The following TAOK1 variants were observed in gnomAD, a reference collection of about 807,000 sequenced individuals.
TAOK1 encodes TAO kinase 1.
Under a neutral mutation model 138.3 loss-of-function variants are expected in TAOK1, and 21 were observed. That is an observed-to-expected ratio of 0.15 (90% CI 0.11 to 0.22). The LOEUF is 0.22. TAOK1 is among the 10% of genes least tolerant of loss of function. The probability of loss-of-function intolerance (pLI) is 1.00; values close to 1 mark genes in which losing one functional copy is unlikely to be tolerated. For synonymous variants in TAOK1, 361 were observed against 398.4 expected (o/e 0.91, Z 1.12); for missense variants, 651 against 1,227.7 (o/e 0.53, Z 7.02).
intron 1 of TAOK1, among the ~76,000 whole-genome samples, chr17:29,439,752 A>G (rs1906153844): frequency 6.6e-6 from 1 of 151,818 alleles, no homozygotes; most frequent in African/African-American, 2.4e-5. Flanking sequence ...TTACAGGGCA[A>G]GGACTACCAA....
In TAOK1 at chr17:29,534,147, G is replaced by A; in HGVS notation, c.2391G>A (p.Glu797=). The change falls in exon 19 of 20, where the codon GAG becomes GAA. Residue 797 remains glutamate (E), a synonymous_variant. Transcript: ENST00000261716. ...ALRLDEAQEA[E]CQVLKMQLQQ... is the part of the protein sequence containing the mutation. ...GTTTGGATGAAGCACAGGAAGCAGA[G>A]TGCCAGGTTTTGAAGATGCAGCTGC... The A allele has an allele frequency of 1.9e-6, 3 of 1,611,698 alleles. No homozygotes were observed. The highest frequency in any genetic ancestry group is 2.2e-5 in the South Asian group (2 of 90,406).
intron 13 of TAOK1, among the ~76,000 whole-genome samples, chr17:29,507,227 A>T (rs2031644211): frequency 6.7e-6 from 1 of 149,580 alleles, no homozygotes; most frequent in Non-Finnish European, 1.5e-5. Context: ...GATTAATTTT[A>T]TGTCTTGTAT....
At chr17:29,434,096 G>A (rs1043946628) in intron 1 of TAOK1, among the ~76,000 whole-genome samples, 16 of 152,084 alleles carry the variant, frequency 1.1e-4, no homozygotes, top group African/African-American at 3.4e-4. Context: ...AAAATACTGA[G>A]GCCTTTTACC....
intron 2 of TAOK1, among the ~76,000 whole-genome samples, chr17:29,454,276 T>TA (rs2030318871): frequency 6.6e-6 from 1 of 152,212 alleles, no homozygotes. Context: ...CATTTATCTG[T>TA]ATGTCTATCT....
intron 18 of TAOK1, among the ~76,000 whole-genome samples, chr17:29,533,769 G>T (rs1393543441): frequency 1.0e-5 from 1 of 99,538 alleles, no homozygotes; most frequent in Non-Finnish European, 2.0e-5. Context: ...CAAGGAGGTT[G>T]CAGTGAGCCG....
In TAOK1 at chr17:29,530,389, A is replaced by ATTT. The variant is rs573433155; in HGVS notation, c.2149-11_2149-9dup. 5 of 1,583,334 alleles carry ATTT rather than the reference A, an allele frequency of 3.2e-6. No homozygotes were observed. Among genetic ancestry groups the ATTT allele is most frequent in the South Asian group, 1.1e-5 (1 of 89,908 alleles). ...CTTTCGTTACAACTTACATAAATGT[A>ATTT]TTTTTTTTTCTTCCCAGTCTAAAGA... On this transcript the variant is annotated splice_polypyrimidine_tract_variant and intron_variant, in intron 17 of 19. Transcript: ENST00000261716.
At chr17:29,439,668 AT>A (rs1456964422) in intron 1 of TAOK1, among the ~76,000 whole-genome samples, 1 of 151,902 alleles carries the variant, frequency 6.6e-6, no homozygotes, top group African/African-American at 2.4e-5. Context: ...GTTTTACAGA[AT>A]TTCTGTTTTG....
intron 1 of TAOK1, among the ~76,000 whole-genome samples, chr17:29,440,847 A>G (rs906988440): frequency 1.3e-5 from 2 of 152,188 alleles, no homozygotes; most frequent in African/African-American, 4.8e-5. Context: ...CAGTGCTGGG[A>G]TTACAGGCAT....
At position 29,548,271 on chromosome 17, in the gene TAOK1, C is replaced by T. The variant is rs1377645999; in HGVS notation, c.*5249C>T. The T allele has an allele frequency of 6.6e-6, 1 of 152,126 alleles. No homozygotes were observed. Among genetic ancestry groups the T allele is most frequent in the African/African-American group, 2.4e-5 (1 of 41,452 alleles). 9.4% of individuals were successfully genotyped at this position (152,126 alleles called of 1,614,324 possible). The stretch of plus-strand genomic sequence containing the variant: ...CTGTTGTGGGTTTCTTAAACTTGCA[C>T]TTCCTACCCACCCAAAGATAGATAT... On this transcript the variant is annotated 3_prime_UTR_variant, in exon 20 of 20. Coordinates refer to ENST00000261716, the MANE Select transcript of TAOK1 (RefSeq NM_020791.4).
intron 1 of TAOK1, among the ~76,000 whole-genome samples, chr17:29,396,094 A>G (rs1478990296): frequency 1.3e-5 from 2 of 152,156 alleles, no homozygotes; most frequent in Non-Finnish European, 2.9e-5. Context: ...AGTTTTTAGT[A>G]ATAAAAATTG....
intron 6 of TAOK1, among the ~76,000 whole-genome samples, chr17:29,478,798 T>G (rs2030997227): frequency 6.6e-6 from 1 of 152,156 alleles, no homozygotes; most frequent in Non-Finnish European, 1.5e-5. Context: ...GACATATTTA[T>G]TCCATTGATT....
intron 1 of TAOK1, among the ~76,000 whole-genome samples, chr17:29,436,363 C>T (rs75697749): frequency 4.6e-4 from 70 of 152,302 alleles, no homozygotes; most frequent in Non-Finnish European, 8.4e-4. Context: ...AGCCAAAAGT[C>T]AGAAAGGTTG....
Position 29,495,532 on chromosome 17 carries a change from T to G in TAOK1, c.832-28T>G, listed in dbSNP as rs748080258. ...ACCTTGTCACTAATTGAAAAAAAAA[T>G]CAACCTTTTACCTTCTACCCTATCT... On this transcript the variant is annotated intron_variant, in intron 10 of 19. Coordinates refer to ENST00000261716, the MANE Select transcript of TAOK1 (RefSeq NM_020791.4). The G allele has an allele frequency of 2.7e-5, 41 of 1,515,526 alleles. No homozygotes were observed. The East Asian group carries it at 9.4e-4, about 35-fold the overall frequency. The allele number at this position is 1,515,526 out of a possible 1,614,324, so 93.9% of individuals were successfully genotyped here.
chr17:29,490,871 T>A (rs1379879594), intron 9 of TAOK1, among the ~76,000 whole-genome samples: 1 of 152,142 alleles, frequency 6.6e-6, no homozygotes, highest in Non-Finnish European at 1.5e-5. Flanking sequence ...AAACATTGTG[T>A]CCTCACATGG....
intron 19 of TAOK1, 149 bp from the exon 20 acceptor site, chr17:29,542,412 A>T: frequency 1.5e-6 from 1 of 655,492 alleles, no homozygotes; most frequent in Non-Finnish European, 2.3e-6. Flanking sequence ...TTAATAAATT[A>T]AAGGGAAAAA....
Position 29,451,996 on chromosome 17 carries a change from G to A in TAOK1, c.132+316G>A, listed in dbSNP as rs1277164295. Among the ~76,000 whole-genome samples the A allele has an allele frequency of 3.3e-5, 5 of 152,046 alleles. No homozygotes were observed. In the East Asian group the frequency reaches 9.6e-4, roughly 29 times the overall value. Reference sequence around the variant, plus strand: ...TTTGGGAGGCAAGGTTGGGTGGATTGCTTGAGTCCAGCAGTTTGAGACCAC... The same window carrying A: ...TTTGGGAGGCAAGGTTGGGTGGATTACTTGAGTCCAGCAGTTTGAGACCAC... On this transcript the variant is annotated intron_variant, in intron 2 of 19. Transcript: ENST00000261716.
intron 2 of TAOK1, among the ~76,000 whole-genome samples, chr17:29,453,812 T>G (rs1423423622): frequency 6.1e-5 from 9 of 148,704 alleles, no homozygotes; most frequent in Non-Finnish European, 8.9e-5. Flanking sequence ...TTTTTTTGTT[T>G]TTTTTTTTTT....
In TAOK1 at chr17:29,530,389, A is replaced by ATTTTTTTT. The variant is rs573433155; in HGVS notation, c.2149-16_2149-9dup. On this transcript the variant is annotated splice_polypyrimidine_tract_variant and intron_variant, in intron 17 of 19. Coordinates refer to ENST00000261716, the MANE Select transcript of TAOK1 (RefSeq NM_020791.4). ...CTTTCGTTACAACTTACATAAATGT[A>ATTTTTTTT]TTTTTTTTTCTTCCCAGTCTAAAGA... 3.8e-6 allele frequency: 6 copies of ATTTTTTTT among 1,583,328 alleles called. No homozygotes were observed. The highest frequency in any genetic ancestry group is 1.7e-5 in the Admixed American group (1 of 59,064).
Position 29,479,257 on chromosome 17 carries a change from A to T in TAOK1, c.449+910A>T, listed in dbSNP as rs907509373. On this transcript the variant is annotated intron_variant, in intron 6 of 19. Coordinates refer to ENST00000261716, the MANE Select transcript of TAOK1 (RefSeq NM_020791.4). ...TTGAAGTTAAAACATTTTATAATGT[A>T]TTTTTGGCACTGGTATTGGTTCTAG... Among the ~76,000 whole-genome samples, 5 of 152,064 alleles carry T rather than the reference A, an allele frequency of 3.3e-5. No individual in the cohort carries two copies. The East Asian group carries it at 9.6e-4, about 29-fold the overall frequency.
Sources: gnomAD v4.1 joint callset for allele counts (sites outside exome capture counted in the v4.1 genomes callset) on GRCh38, gnomAD v4.1.1 for gene constraint, MANE v1.5 for transcripts, NCBI Gene and HGNC (gene_info 2026-07-23, HGNC 2026-07-21) for gene names.